INSR: variants seen among roughly 807,000 people sequenced by gnomAD.
INSR encodes the protein IR.
INSR carries 67 observed loss-of-function variants against 142.6 expected under a neutral mutation model. That is an observed-to-expected ratio of 0.47 (90% confidence interval 0.39 to 0.58). The LOEUF (loss-of-function observed/expected upper bound fraction) is 0.58. Among genes scored for constraint, INSR ranks in the 20% least tolerant of loss-of-function variants. INSR has a pLI of 0.00. For synonymous variants in INSR, 756 were observed against 743.1 expected (o/e 1.02, Z -0.28); for missense variants, 1,248 against 1,833.2 (o/e 0.68, Z 5.83).
chr19:7,175,697 T>C lies in INSR; in HGVS notation c.975-966A>G, dbSNP rs146897678. ...TAAAAATACAAAAATTAGCTGGGTG[T>C]GGTGGCACGTGCCTATAATCTCAGC... On this transcript the variant is annotated intron_variant, in intron 3 of 21. Coordinates refer to ENST00000302850, the MANE Select transcript of INSR (RefSeq NM_000208.4). Among the ~76,000 whole-genome samples, 968 of 152,040 alleles carry C rather than the reference T, an allele frequency of 6.4e-3. 11 individuals carry two copies. Among genetic ancestry groups the C allele is most frequent in the African/African-American group, 0.022 (915 of 41,456 alleles).
intron 2 of INSR, among the ~76,000 whole-genome samples, chr19:7,214,089 C>T (rs969068232): frequency 6.6e-6 from 1 of 152,078 alleles, no homozygotes; most frequent in African/African-American, 2.4e-5. Context: ...ACCAGCTTCA[C>T]AATAAATGCC....
intron 13 of INSR, among the ~76,000 whole-genome samples, chr19:7,137,267 TAA>T (rs11299975): frequency 0.095 from 13,780 of 145,370 alleles, 813 homozygotes; most frequent in African/African-American, 0.18. Flanking sequence ...GTTTCTAAAT[TAA>T]AAAAAAAAAA....
intron 1 of INSR, among the ~76,000 whole-genome samples, chr19:7,276,897 A>G (rs547207313): frequency 6.6e-6 from 1 of 152,010 alleles, no homozygotes; most frequent in South Asian, 2.1e-4. Flanking sequence ...CGCACAGCTA[A>G]TTTTTGTATT....
intron 2 of INSR, among the ~76,000 whole-genome samples, chr19:7,241,207 C>G (rs1288711351): frequency 6.9e-6 from 1 of 145,780 alleles, no homozygotes; most frequent in African/African-American, 2.6e-5. Context: ...GAGATGAGGC[C>G]TTGCCCTGTT....
chr19:7,283,184 C>A (rs574830054), intron 1 of INSR, among the ~76,000 whole-genome samples: 1 of 151,978 alleles, frequency 6.6e-6, no homozygotes, highest in Non-Finnish European at 1.5e-5. Context: ...CAGTGCAAGA[C>A]CCTTTCTCAA....
At position 7,115,154 on chromosome 19, in the gene INSR, G is replaced by A. The variant is rs1218586202; in HGVS notation, c.*1902C>T. The A allele has an allele frequency of 2.0e-5, 3 of 152,180 alleles. No homozygotes were observed. Among genetic ancestry groups the A allele is most frequent in the Non-Finnish European group, 4.4e-5 (3 of 68,036 alleles). The allele number at this position is 152,180 out of a possible 1,614,324, so 9.4% of individuals were successfully genotyped here. A position where few individuals can be genotyped will look rare whatever the true frequency, so the allele number is the denominator to read the frequency against. Reference sequence around the variant, plus strand: ...CATTATGACTCTATCCCATTCTTAAGCCCACAACTCTTAAGAGAAGAAGAA... The same window carrying A: ...CATTATGACTCTATCCCATTCTTAAACCCACAACTCTTAAGAGAAGAAGAA... On this transcript the variant is annotated 3_prime_UTR_variant, in exon 22 of 22. Coordinates refer to ENST00000302850, the MANE Select transcript of INSR (RefSeq NM_000208.4).
At chr19:7,255,182 C>A (rs928483742) in intron 2 of INSR, among the ~76,000 whole-genome samples, 1 of 152,164 alleles carries the variant, frequency 6.6e-6, no homozygotes, top group Non-Finnish European at 1.5e-5. Flanking sequence ...TTGAACCCAC[C>A]AAAACACTTT....
At chr19:7,264,168 T>C (rs1281826286) in intron 2 of INSR, among the ~76,000 whole-genome samples, 1 of 100,812 alleles carries the variant, frequency 9.9e-6, no homozygotes, top group Non-Finnish European at 1.9e-5. Context: ...AAACTCCATC[T>C]CAAAAAAAAA....
chr19:7,261,005 A>G (rs1291504406), intron 2 of INSR, among the ~76,000 whole-genome samples: 1 of 151,464 alleles, frequency 6.6e-6, no homozygotes, highest in Non-Finnish European at 1.5e-5. Context: ...CTCCCACCTC[A>G]GCCTTCCAAG....
intron 2 of INSR, among the ~76,000 whole-genome samples, chr19:7,251,127 C>T (rs773535071): frequency 6.6e-6 from 1 of 152,032 alleles, no homozygotes; most frequent in Non-Finnish European, 1.5e-5. Context: ...GAAAGCAGTA[C>T]ACACACATTC....
At chr19:7,255,599 A>G (rs1450826638) in intron 2 of INSR, among the ~76,000 whole-genome samples, 1 of 132,542 alleles carries the variant, frequency 7.5e-6, no homozygotes, top group Non-Finnish European at 1.6e-5. Context: ...TGTTTTTGAG[A>G]CAGGGTCTCA....
intron 14 of INSR, 22 bp from the exon 15 acceptor site, chr19:7,128,976 T>A (rs1972712961): frequency 6.5e-7 from 1 of 1,538,944 alleles, no homozygotes; most frequent in Non-Finnish European, 9.0e-7. Context: ...TAAGAAAATA[T>A]ATGTTTCATA....
intron 2 of INSR, among the ~76,000 whole-genome samples, chr19:7,261,071 C>T (rs957200888): frequency 1.3e-5 from 2 of 151,314 alleles, no homozygotes; most frequent in East Asian, 3.9e-4. Context: ...TATTTTTTGT[C>T]GAGACGGGGT....
At chr19:7,195,841 G>A (rs1394900460) in intron 2 of INSR, among the ~76,000 whole-genome samples, 1 of 151,320 alleles carries the variant, frequency 6.6e-6, no homozygotes, top group Non-Finnish European at 1.5e-5. Context: ...AGAAGACATT[G>A]GATTAAAATA....
intron 2 of INSR, among the ~76,000 whole-genome samples, chr19:7,244,952 T>TCG (rs887269717): frequency 2.8e-5 from 4 of 142,010 alleles, no homozygotes; most frequent in African/African-American, 1.1e-4. Context: ...TTTTTTTTTT[T>TCG]CAAGATGGAG....
In INSR at chr19:7,166,178, T is replaced by C. The variant is rs1218016172; in HGVS notation, c.1837A>G (p.Ile613Val). The C allele has an allele frequency of 1.9e-6, 3 of 1,614,002 alleles. No homozygotes were observed. The highest frequency in any genetic ancestry group is 1.3e-5 in the African/African-American group (1 of 74,912). ...CTGGTGGCATCTGTCTGGACATAAATGATGTCACTCTTGGCCCCATAGGTC... is the reference window on the plus strand; with the variant it reads ...CTGGTGGCATCTGTCTGGACATAAACGATGTCACTCTTGGCCCCATAGGTC... ...RRTYGAKSDIIYVQTDATNPS... is the reference protein window; with the variant it reads ...RRTYGAKSDIVYVQTDATNPS... The change falls in exon 8 of 22, where the codon ATT becomes GTT. Residue 613 changes from isoleucine to valine, a missense_variant. Ile to Val is a conservative substitution (Grantham distance 29). Transcript: ENST00000302850. The surrounding 1 kb of genome is among the most constrained non-coding windows in gnomAD (Gnocchi z 4.1).
At chr19:7,282,089 G>A (rs1968217271) in intron 1 of INSR, among the ~76,000 whole-genome samples, 1 of 152,190 alleles carries the variant, frequency 6.6e-6, no homozygotes, top group Non-Finnish European at 1.5e-5. Flanking sequence ...AGCCGGCGGG[G>A]CACGGTGGCT....
chr19:7,129,071 C>G, intron 14 of INSR, 117 bp from the exon 15 acceptor site: 1 of 759,550 alleles, frequency 1.3e-6, no homozygotes, highest in Non-Finnish European at 2.3e-6. Context: ...CCTCCCTTGT[C>G]CATAAACCTC....
intron 9 of INSR, among the ~76,000 whole-genome samples, chr19:7,153,206 C>CACCA (rs1568449595): frequency 3.9e-5 from 3 of 77,108 alleles, no homozygotes; most frequent in Non-Finnish European, 8.0e-5. Context: ...ACCACACACA[C>CACCA]CACACACCAC....
Sources: gnomAD v4.1 joint callset for allele counts (sites outside exome capture counted in the v4.1 genomes callset) on GRCh38, gnomAD v4.1.1 for gene constraint, Gnocchi (gnomAD v3.1) non-coding constraint, MANE v1.5 for transcripts, NCBI Gene and HGNC (gene_info 2026-07-23, HGNC 2026-07-21) for gene names.